Variants in AATF observed in about 807,000 individuals in gnomAD.
The protein encoded by AATF is protein AATF.
A neutral mutation model predicts 63.7 loss-of-function variants in AATF; 48 were observed. The observed-to-expected ratio is 0.75, with a 90% CI of 0.60 to 0.96. The LOEUF (loss-of-function observed/expected upper bound fraction) is 0.96. Ranked by LOEUF, AATF falls within the 40% of genes least tolerant of loss-of-function variation. The pLI is 0.00. For missense variants in AATF, 639 were observed against 685.7 expected (o/e 0.93, Z 0.76); for synonymous variants, 258 against 247.7 (o/e 1.04, Z -0.39).
chr17:36,966,240 G>A (rs1052589288), intron 4 of AATF, among the ~76,000 whole-genome samples: 1 of 151,956 alleles, frequency 6.6e-6, no homozygotes, highest in African/African-American at 2.4e-5. Context: ...AATTTTTTAA[G>A]TTGTTATTTT....
rs891558448 is a variant in AATF, at chr17:37,048,371, T to C, written c.1620-8230T>C. Reference sequence around the variant, plus strand: ...AGCTAAGTTTTTCTTTTCTTTTTTTTTTTTTTTTTTTTTTTTTTAGATGGA... The same window carrying C: ...AGCTAAGTTTTTCTTTTCTTTTTTTCTTTTTTTTTTTTTTTTTTAGATGGA... On this transcript the variant is annotated intron_variant, in intron 11 of 11. Coordinates refer to ENST00000619387, the MANE Select transcript of AATF (RefSeq NM_012138.4). Among the ~76,000 whole-genome samples, 6 of 140,948 alleles carry C rather than the reference T, an allele frequency of 4.3e-5. No individual in the cohort carries two copies. The East Asian group carries it at 8.0e-4, about 19-fold the overall frequency. 92.5% of individuals were successfully genotyped at this position (140,948 alleles called of 152,430 possible).
intron 8 of AATF, among the ~76,000 whole-genome samples, chr17:37,011,956 T>TA (rs1411152261): frequency 6.6e-6 from 1 of 152,176 alleles, no homozygotes; most frequent in African/African-American, 2.4e-5. Context: ...TAGGAAGGTA[T>TA]AGTAATTCCT....
chr17:37,001,796 T>C (rs1181529307), intron 8 of AATF, among the ~76,000 whole-genome samples: 3 of 152,308 alleles, frequency 2.0e-5, no homozygotes, highest in African/African-American at 4.8e-5. Context: ...TTGCCACTTA[T>C]TCAGCATCAT....
At chr17:36,989,085 A>G (rs1351095404) in intron 6 of AATF, among the ~76,000 whole-genome samples, 162 bp from the exon 7 acceptor site, 1 of 151,854 alleles carries the variant, frequency 6.6e-6, no homozygotes, top group Non-Finnish European at 1.5e-5. Context: ...TTTTTTTTTA[A>G]GAACAATTAT....
intron 8 of AATF, among the ~76,000 whole-genome samples, chr17:37,001,455 GA>G (rs200318079): frequency 0.13 from 8,942 of 71,486 alleles, 804 homozygotes; most frequent in Middle Eastern, 0.17. Flanking sequence ...AAGGAAGGAA[GA>G]AAAAAAAAAA....
At chr17:37,041,615 C>G (rs2071640840) in intron 11 of AATF, among the ~76,000 whole-genome samples, 1 of 152,240 alleles carries the variant, frequency 6.6e-6, no homozygotes, top group Non-Finnish European at 1.5e-5. Flanking sequence ...AAGTGATTCT[C>G]CTGCCTCAGC....
At chr17:37,049,749 G>A (rs566729761) in intron 11 of AATF, among the ~76,000 whole-genome samples, 3 of 152,148 alleles carry the variant, frequency 2.0e-5, no homozygotes, top group Admixed American at 6.5e-5. Context: ...ATTGGAGAAG[G>A]ATCCCTTTGT....
rs1193712250 is a variant in AATF at position 36,988,544 on chromosome 17, G to A, written c.973G>A (p.Glu325Lys). ...GSEEISSEDDELVEEKKQQRR... is the reference protein window; with the variant it reads ...GSEEISSEDDKLVEEKKQQRR... ...TGAGGAGATTTCTAGTGAAGATGAT[G>A]AGCTGGTAGAAGAGAAGAAGCAGCA... The change falls in exon 6 of 12, where the codon GAG becomes AAG. Residue 325 changes from glutamate to lysine, a missense_variant. Transcript: ENST00000619387. 6.2e-7 allele frequency: 1 copy of A among 1,614,082 alleles called. No homozygotes were observed. Among genetic ancestry groups the A allele is most frequent in the East Asian group, 2.2e-5 (1 of 44,886 alleles).
intron 4 of AATF, among the ~76,000 whole-genome samples, chr17:36,955,415 G>T (rs1452732889): frequency 6.6e-6 from 1 of 152,156 alleles, no homozygotes; most frequent in Non-Finnish European, 1.5e-5. Flanking sequence ...GCCTTACGTG[G>T]CCTGTGTGGG....
chr17:37,025,182 G>A (rs748881489), intron 10 of AATF, among the ~76,000 whole-genome samples: 3 of 152,174 alleles, frequency 2.0e-5, no homozygotes, highest in Non-Finnish European at 2.9e-5. Context: ...TCATTGATAT[G>A]TATAAGAGAG....
At chr17:37,049,373 C>T (rs937080907) in intron 11 of AATF, among the ~76,000 whole-genome samples, 3 of 152,048 alleles carry the variant, frequency 2.0e-5, no homozygotes, top group South Asian at 2.1e-4. Flanking sequence ...GAGGCCGAGG[C>T]GGGCAGATCA....
chr17:36,975,047 C>T (rs559942624), intron 4 of AATF, among the ~76,000 whole-genome samples: 4 of 152,110 alleles, frequency 2.6e-5, no homozygotes, highest in Non-Finnish European at 5.9e-5. Context: ...CTGTTTCTTC[C>T]TGCCCAACAA....
chr17:36,997,389 A>G (rs189080424), intron 8 of AATF, among the ~76,000 whole-genome samples: 1 of 152,354 alleles, frequency 6.6e-6, no homozygotes, highest in Non-Finnish European at 1.5e-5. Context: ...GTAAGAAAAA[A>G]ACAATCCCAT....
intron 3 of AATF, 132 bp downstream of exon 3, chr17:36,953,428 C>G (rs2070873365): frequency 9.0e-6 from 13 of 1,444,570 alleles, no homozygotes; most frequent in African/African-American, 1.4e-5. Flanking sequence ...CCCACTTACC[C>G]AGAAGCCTAA....
chr17:37,049,158 C>T (rs1316733562), intron 11 of AATF, among the ~76,000 whole-genome samples: 2 of 152,190 alleles, frequency 1.3e-5, no homozygotes, highest in African/African-American at 2.4e-5. Flanking sequence ...CAGTAAGGAC[C>T]TGAGCCAGTC....
chr17:36,966,690 TAA>T (rs1275109322), intron 4 of AATF, among the ~76,000 whole-genome samples: 1 of 152,232 alleles, frequency 6.6e-6, no homozygotes, highest in Non-Finnish European at 1.5e-5. Flanking sequence ...GTTGTTGTGG[TAA>T]AGTCATTTTA....
intron 8 of AATF, among the ~76,000 whole-genome samples, chr17:36,994,031 A>G (rs572042571): frequency 6.6e-6 from 1 of 152,328 alleles, no homozygotes; most frequent in South Asian, 2.1e-4. Context: ...GTGTACATAC[A>G]TACATATGTA....
intron 4 of AATF, among the ~76,000 whole-genome samples, chr17:36,963,847 T>G (rs2070968388): frequency 6.6e-6 from 1 of 152,170 alleles, no homozygotes; most frequent in African/African-American, 2.4e-5. Context: ...TTTGGCAGGC[T>G]AGTAGGCTTA....
intron 11 of AATF, among the ~76,000 whole-genome samples, chr17:37,042,733 C>CTT (rs200304881): frequency 2.0e-4 from 27 of 137,276 alleles, no homozygotes; most frequent in African/African-American, 7.0e-4. Context: ...TTAATTTTTT[C>CTT]TTTCTTTTTT....
Sources: allele counts gnomAD v4.1 joint callset (sites outside exome capture counted in the v4.1 genomes callset), GRCh38; gene constraint gnomAD v4.1.1; transcripts MANE v1.5; gene names NCBI Gene and HGNC (gene_info 2026-07-23, HGNC 2026-07-21).